NYAP2: variants seen among roughly 807,000 people sequenced by gnomAD.
The protein encoded by NYAP2 is neuronal tyrosine-phosphorylated phosphoinositide-3-kinase adapter 2.
Under a neutral mutation model 50.4 loss-of-function variants are expected in NYAP2, and 23 were observed. The observed-to-expected ratio is 0.46, with a 90% CI of 0.33 to 0.65. The LOEUF is 0.65. Ranked by LOEUF, NYAP2 falls within the 30% of genes least tolerant of loss-of-function variation. The pLI, the probability that NYAP2 is intolerant of heterozygous loss-of-function variation, is 0.02. For missense variants in NYAP2, 885 were observed against 861.0 expected, an observed-to-expected ratio of 1.03 and a Z score of -0.35; for synonymous variants, 394 against 365.2, an observed-to-expected ratio of 1.08 and a Z score of -0.90.
intron 6 of NYAP2, among the ~76,000 whole-genome samples, chr2:225,629,627 C>T (rs1693274788): frequency 6.6e-6 from 1 of 152,140 alleles, no homozygotes; most frequent in South Asian, 2.1e-4. Flanking sequence ...GAGCTGGCTT[C>T]TGCTCACCAT....
chr2:225,684,929 C>T, the NYAP2 span, among the ~76,000 whole-genome samples: 1 of 152,140 alleles, frequency 6.6e-6, no homozygotes, highest in Non-Finnish European at 1.5e-5. Context: ...CTGTTCTAAC[C>T]TGAGGCCAAG....
chr2:225,427,395 A>G (rs1695303339), intron 3 of NYAP2, among the ~76,000 whole-genome samples: 1 of 152,244 alleles, frequency 6.6e-6, no homozygotes, highest in African/African-American at 2.4e-5. Flanking sequence ...CGTCTGTGAC[A>G]ATCACAATCC....
chr2:225,440,974 G>A (rs144909712), intron 3 of NYAP2, among the ~76,000 whole-genome samples: 1 of 152,298 alleles, frequency 6.6e-6, no homozygotes, highest in African/African-American at 2.4e-5. Flanking sequence ...AGGAGCCTTG[G>A]TGATCACTGC....
At chr2:225,510,975 C>G (rs1052328079) in intron 3 of NYAP2, among the ~76,000 whole-genome samples, 15 of 152,178 alleles carry the variant, frequency 9.9e-5, no homozygotes, top group African/African-American at 3.6e-4. Context: ...TTTTTAGTAA[C>G]TCATAAATGC....
the NYAP2 span, among the ~76,000 whole-genome samples, chr2:225,665,830 A>AAAAAAAAAAAG: frequency 2.7e-5 from 4 of 146,244 alleles, no homozygotes; most frequent in African/African-American, 7.5e-5. Flanking sequence ...AAAAAAAAAA[A>AAAAAAAAAAAG]AAAAAAAGCC....
upstream of NYAP2, among the ~76,000 whole-genome samples, chr2:225,398,696 C>T (rs918531631): frequency 6.6e-6 from 1 of 151,810 alleles, no homozygotes; most frequent in Non-Finnish European, 1.5e-5. Context: ...GAGGTCTGGC[C>T]TCTTCTCTTC....
the NYAP2 span, among the ~76,000 whole-genome samples, chr2:225,696,800 G>A: frequency 6.6e-6 from 1 of 151,866 alleles, no homozygotes; most frequent in Non-Finnish European, 1.5e-5. Context: ...TCTTGACTCT[G>A]CCATTTGTTG....
chr2:225,552,118 T>A (rs899832871), intron 4 of NYAP2, among the ~76,000 whole-genome samples: 8 of 152,182 alleles, frequency 5.3e-5, no homozygotes, highest in Non-Finnish European at 7.3e-5. Flanking sequence ...TGGCACTTCT[T>A]TCTTTTTGAT....
intron 3 of NYAP2, among the ~76,000 whole-genome samples, chr2:225,438,966 T>A (rs1396815005): frequency 6.6e-6 from 1 of 152,158 alleles, no homozygotes; most frequent in Non-Finnish European, 1.5e-5. Flanking sequence ...TAAAGGAGAA[T>A]GTTCCGGGTA....
chr2:225,666,852 C>T, the NYAP2 span, among the ~76,000 whole-genome samples: 3 of 137,238 alleles, frequency 2.2e-5, no homozygotes, highest in South Asian at 2.2e-4. Flanking sequence ...CTCCATGCCC[C>T]CCCACCCCCC....
At chr2:225,491,366 C>T (rs759313878) in intron 3 of NYAP2, among the ~76,000 whole-genome samples, 1 of 152,326 alleles carries the variant, frequency 6.6e-6, no homozygotes, top group South Asian at 2.1e-4. Context: ...CATTAGGCTT[C>T]TGGGTCCTAC....
At chr2:225,412,121 G>A (rs1431027952) in intron 3 of NYAP2, among the ~76,000 whole-genome samples, 1 of 150,558 alleles carries the variant, frequency 6.6e-6, no homozygotes, top group East Asian at 1.9e-4. Context: ...ACCATGCCCA[G>A]CTAATTTTTG....
chr2:225,666,858 C>A, the NYAP2 span, among the ~76,000 whole-genome samples: 3 of 140,628 alleles, frequency 2.1e-5, no homozygotes, highest in Non-Finnish European at 4.5e-5. Context: ...GCCCCCCCAC[C>A]CCCCCAACAC....
intron 3 of NYAP2, among the ~76,000 whole-genome samples, chr2:225,478,441 C>G (rs192467420): frequency 2.0e-5 from 3 of 152,280 alleles, no homozygotes; most frequent in African/African-American, 7.2e-5. Context: ...CAGAAGAACT[C>G]ACAGCAGGTT....
At chr2:225,405,163 A>G (rs961176516) in intron 2 of NYAP2, among the ~76,000 whole-genome samples, 10 of 152,130 alleles carry the variant, frequency 6.6e-5, no homozygotes, top group South Asian at 4.1e-4. Flanking sequence ...AATTAAAGGG[A>G]TGAACTCAAT....
At chr2:225,473,061 T>C (rs1165584574) in intron 3 of NYAP2, among the ~76,000 whole-genome samples, 1 of 152,206 alleles carries the variant, frequency 6.6e-6, no homozygotes, top group East Asian at 1.9e-4. Flanking sequence ...ATGCGGTGTT[T>C]GGTTTTTTGT....
chr2:225,614,401 A>C lies in NYAP2; in HGVS notation c.1619-12516A>C, dbSNP rs946514732. 5.3e-5 allele frequency among the ~76,000 whole-genome samples: 8 copies of C among 152,348 alleles called. No individual in the cohort carries two copies. The East Asian group carries it at 1.5e-3, about 29-fold the overall frequency. ...TTTGGTTGGCACTAGCCTCATTCAA[A>C]TTAATACAAATAAAATATATGTAAG... On this transcript the variant is annotated intron_variant, in intron 5 of 6. Transcript: ENST00000636099.
the NYAP2 span, among the ~76,000 whole-genome samples, chr2:225,666,305 G>A: frequency 1.3e-5 from 2 of 152,062 alleles, no homozygotes; most frequent in Admixed American, 1.3e-4. Flanking sequence ...ATTAGTACTT[G>A]TTGACAAAAA....
chr2:225,407,681 T>C (rs563051878), intron 2 of NYAP2, among the ~76,000 whole-genome samples: 24 of 152,014 alleles, frequency 1.6e-4, no homozygotes, highest in Non-Finnish European at 3.2e-4. Context: ...ATAATATCTT[T>C]CTAAGTTTTG....
Sources: allele counts gnomAD v4.1 joint callset (sites outside exome capture counted in the v4.1 genomes callset), GRCh38; gene constraint gnomAD v4.1.1; transcripts MANE v1.5; gene names NCBI Gene and HGNC (gene_info 2026-07-23, HGNC 2026-07-21).